MID1: variants seen among roughly 807,000 people sequenced by gnomAD.
MID1 encodes E3 ubiquitin-protein ligase Midline-1.
Under a neutral mutation model 40.4 loss-of-function variants are expected in MID1, and 7 were observed. The observed-to-expected ratio is 0.17, with a 90% CI of 0.10 to 0.33. MID1 has a LOEUF of 0.33. Ranked by LOEUF, MID1 falls within the 10% of genes least tolerant of loss-of-function variation. The pLI is 1.00. For synonymous variants in MID1, 229 were observed against 221.2 expected (o/e 1.04, Z -0.31); for missense variants, 367 against 558.5 (o/e 0.66, Z 3.46).
rs777665350 is a variant in MID1 at position 10,508,124 on chromosome X, T to C, written c.757-12433A>G. Among the ~76,000 whole-genome samples, 3 of 112,273 alleles carry C rather than the reference T, an allele frequency of 2.7e-5. No individual in the cohort carries two copies. In the South Asian group the frequency reaches 1.1e-3, roughly 41 times the overall value. ...GTGCAAAGCACCATGCTAGGACCTG[T>C]GGTAGAAACAGAACTTGGCCTGCTA... On this transcript the variant is annotated intron_variant, in intron 3 of 9. Coordinates refer to ENST00000317552, the MANE Select transcript of MID1 (RefSeq NM_000381.4).
intron 1 of MID1, among the ~76,000 whole-genome samples, chrX:10,765,937 GGAAAGGAAA>G (rs1321167167): frequency 3.4e-3 from 244 of 72,115 alleles, no homozygotes; most frequent in African/African-American, 9.6e-3. Context: ...GGAAAGGAAA[GGAAAGGAAA>G]GAAAGAAAGA....
chrX:10,605,969 A>G (rs1437506184), intron 1 of MID1, among the ~76,000 whole-genome samples: 1 of 111,176 alleles, frequency 9.0e-6, no homozygotes, highest in African/African-American at 3.3e-5. Context: ...CGTTCCCGGG[A>G]GATTCATATT....
chrX:10,773,043 C>T lies in MID1; in HGVS notation c.-187+60511G>A, dbSNP rs755327295. ...AACTTCTAAAAATGCTGAAAGATAA[C>T]TGTAAATGAAAGTACATTAAAATAT... On this transcript the variant is annotated intron_variant, in intron 1 of 10. Transcript: ENST00000380785. Among the ~76,000 whole-genome samples the T allele has an allele frequency of 1.4e-4, 16 of 111,286 alleles. No individual in the cohort carries two copies. The South Asian group carries it at 6.0e-3, about 42-fold the overall frequency.
intron 7 of MID1, among the ~76,000 whole-genome samples, chrX:10,468,483 A>G (rs748783727): frequency 3.7e-4 from 42 of 112,886 alleles, no homozygotes; most frequent in Non-Finnish European, 6.9e-4. Flanking sequence ...ATATGAATTT[A>G]TTCAAAACAT....
At chrX:10,544,205 T>G (rs1302252917) in intron 2 of MID1, among the ~76,000 whole-genome samples, 1 of 110,836 alleles carries the variant, frequency 9.0e-6, no homozygotes, top group Non-Finnish European at 1.9e-5. Context: ...TTTCATTCAT[T>G]TTTTTTTTCA....
intron 1 of MID1, among the ~76,000 whole-genome samples, chrX:10,726,207 G>C (rs949617286): frequency 8.9e-6 from 1 of 111,976 alleles, no homozygotes; most frequent in African/African-American, 3.2e-5. Context: ...ACACACTCTG[G>C]ATATCAACTA....
At chrX:10,793,405 G>A (rs2147140773) in intron 1 of MID1, among the ~76,000 whole-genome samples, 1 of 112,414 alleles carries the variant, frequency 8.9e-6, no homozygotes, top group African/African-American at 3.2e-5. Context: ...AGCAGGAGGA[G>A]GATATCAGCC....
intron 2 of MID1, among the ~76,000 whole-genome samples, chrX:10,551,430 G>T (rs1207191318): frequency 2.7e-5 from 3 of 112,410 alleles, no homozygotes; most frequent in Non-Finnish European, 5.6e-5. Flanking sequence ...TCATTGAGAA[G>T]AAACTTGTAG....
chrX:10,794,881 A>G (rs2043957973), intron 1 of MID1, among the ~76,000 whole-genome samples: 1 of 111,570 alleles, frequency 9.0e-6, no homozygotes, highest in Non-Finnish European at 1.9e-5. Flanking sequence ...CTGGAAGGTG[A>G]AAAATGTCAA....
intron 1 of MID1, among the ~76,000 whole-genome samples, chrX:10,746,443 T>G (rs1386844720): frequency 8.9e-6 from 1 of 112,091 alleles, no homozygotes; most frequent in East Asian, 2.8e-4. Context: ...CATTCGACCA[T>G]TGCCTTTTTG....
At chrX:10,455,487 C>T (rs757559711) in intron 8 of MID1, among the ~76,000 whole-genome samples, 28 of 111,394 alleles carry the variant, frequency 2.5e-4, no homozygotes, top group Admixed American at 6.7e-4. Context: ...GCTAGCTTCA[C>T]GGATTCCAGG....
chrX:10,641,102 G>T (rs781624771), intron 1 of MID1, among the ~76,000 whole-genome samples: 1 of 111,652 alleles, frequency 9.0e-6, no homozygotes, highest in East Asian at 2.8e-4. Context: ...ACAATTAAAA[G>T]AACTAGAGAA....
intron 7 of MID1, chrX:10,469,374 G>A (rs1254565310): frequency 4.0e-6 from 4 of 997,875 alleles, no homozygotes; most frequent in Non-Finnish European, 5.1e-6. Context: ...CCTATATGTG[G>A]ATTAATACTA....
chrX:10,754,304 TTTTTG>T (rs1456405289), intron 1 of MID1, among the ~76,000 whole-genome samples: 1 of 104,393 alleles, frequency 9.6e-6, no homozygotes, highest in Non-Finnish European at 1.9e-5. Context: ...AGAGAGTTTT[TTTTTG>T]TTTTTTGTTT....
chrX:10,828,244 G>C (rs902929539), intron 1 of MID1, among the ~76,000 whole-genome samples: 2 of 111,873 alleles, frequency 1.8e-5, no homozygotes, highest in Non-Finnish European at 3.8e-5. Flanking sequence ...CCTTAGCAAA[G>C]AGTGAACTCT....
intron 1 of MID1, among the ~76,000 whole-genome samples, chrX:10,639,455 C>G (rs1253337003): frequency 4.5e-5 from 5 of 111,501 alleles, no homozygotes; most frequent in African/African-American, 1.3e-4. Flanking sequence ...GAAAAGAGAA[C>G]TTTAGAGAAA....
intron 3 of MID1, among the ~76,000 whole-genome samples, chrX:10,510,477 G>A (rs889622403): frequency 9.0e-6 from 1 of 111,117 alleles, no homozygotes; most frequent in Non-Finnish European, 1.9e-5. Context: ...ATCCTAACAC[G>A]TTATACCTTC....
chrX:10,711,187 C>T (rs1444547927), intron 1 of MID1, among the ~76,000 whole-genome samples: 1 of 111,745 alleles, frequency 8.9e-6, no homozygotes, highest in Non-Finnish European at 1.9e-5. Context: ...TGTCATGGTG[C>T]TTTAAGAAGC....
intron 1 of MID1, among the ~76,000 whole-genome samples, chrX:10,683,280 T>C (rs761524454): frequency 8.9e-6 from 1 of 112,027 alleles, no homozygotes; most frequent in East Asian, 2.8e-4. Context: ...GCATGGTGGC[T>C]CACACCTGTA....
Sources: gnomAD v4.1 joint callset for allele counts (sites outside exome capture counted in the v4.1 genomes callset) on GRCh38, gnomAD v4.1.1 for gene constraint, MANE v1.5 for transcripts, NCBI Gene and HGNC (gene_info 2026-07-23, HGNC 2026-07-21) for gene names.